Variants in EXTL3 observed in about 807,000 individuals in gnomAD.
EXTL3 encodes exostosin like glycosyltransferase 3.
Under a neutral mutation model 69.3 loss-of-function variants are expected in EXTL3, and 27 were observed. That is an observed-to-expected ratio of 0.39 (90% confidence interval 0.29 to 0.54). EXTL3 has a LOEUF of 0.54. Ranked by LOEUF, EXTL3 falls within the 20% of genes least tolerant of loss-of-function variation. The probability of loss-of-function intolerance (pLI) is 0.69; values close to 1 mark genes in which losing one functional copy is unlikely to be tolerated. For synonymous variants in EXTL3, 511 were observed against 499.4 expected (o/e 1.02, Z -0.31); for missense variants, 1,003 against 1,231.8 (o/e 0.81, Z 2.78).
intron 6 of EXTL3, among the ~76,000 whole-genome samples, chr8:28,745,759 T>A (rs1801875726): frequency 6.6e-6 from 1 of 152,202 alleles, no homozygotes; most frequent in Non-Finnish European, 1.5e-5. Context: ...TTTGTTAAAG[T>A]GTGTTTGTCT....
chr8:28,653,750 T>G (rs554837001), intron 1 of EXTL3, among the ~76,000 whole-genome samples: 1 of 152,368 alleles, frequency 6.6e-6, no homozygotes, highest in East Asian at 1.9e-4. Flanking sequence ...AGCACCACAC[T>G]TAGTGCTGTT....
intron 1 of EXTL3, among the ~76,000 whole-genome samples, chr8:28,706,634 A>T (rs1800928593): frequency 1.3e-5 from 2 of 152,180 alleles, no homozygotes; most frequent in Non-Finnish European, 2.9e-5. Flanking sequence ...CAATACTTTG[A>T]TGATTTATTA....
intron 4 of EXTL3, among the ~76,000 whole-genome samples, chr8:28,737,317 G>A (rs1010869134): frequency 3.3e-5 from 5 of 152,168 alleles, no homozygotes; most frequent in Non-Finnish European, 1.5e-5. Context: ...CAATGTGCAG[G>A]TGCTTATTAA....
In EXTL3 at chr8:28,679,072, A is replaced by G. The variant is rs180726557; in HGVS notation, c.-52-34385A>G. Among the ~76,000 whole-genome samples, 650 of 152,356 alleles carry G rather than the reference A, an allele frequency of 4.3e-3. 2 individuals carry two copies. Among genetic ancestry groups the G allele is most frequent in the Middle Eastern group, 0.014 (4 of 294 alleles). ...AGAAGGTTCTGTAAAGACACAGAAC[A>G]GTACATTGAGTAGATTAATGCCAGC... On this transcript the variant is annotated intron_variant, in intron 1 of 6. Transcript: ENST00000523149.
rs750370223 is a variant in EXTL3 at position 28,735,647 on chromosome 8, C to A, written c.2277-1872C>A. Among the ~76,000 whole-genome samples, 78 of 152,150 alleles carry A rather than the reference C, an allele frequency of 5.1e-4. 1 individual carries two copies. The highest frequency in any genetic ancestry group is 7.8e-4 in the Non-Finnish European group (53 of 68,020). Reference sequence around the variant, plus strand: ...GATCTAAAACCTTTCTCTTATTAATCTCCCCAATTTGCTTATTTCACCTTA... The same window carrying A: ...GATCTAAAACCTTTCTCTTATTAATATCCCCAATTTGCTTATTTCACCTTA... On this transcript the variant is annotated intron_variant, in intron 4 of 6. Coordinates refer to ENST00000220562, the MANE Select transcript of EXTL3 (RefSeq NM_001440.4).
intron 1 of EXTL3, among the ~76,000 whole-genome samples, chr8:28,687,078 A>AG (rs1330947482): frequency 6.6e-6 from 1 of 152,196 alleles, no homozygotes; most frequent in Non-Finnish European, 1.5e-5. Context: ...ATGCTGGGTG[A>AG]GGGAGATATA....
chr8:28,718,350 CT>C, intron 3 of EXTL3, 143 bp downstream of exon 3: 1 of 868,188 alleles, frequency 1.2e-6, no homozygotes, highest in Admixed American at 2.0e-5. Context: ...GTATAGATTC[CT>C]TTCTTCCTGA....
intron 1 of EXTL3, among the ~76,000 whole-genome samples, chr8:28,692,149 T>C (rs995237343): frequency 6.6e-6 from 1 of 152,258 alleles, no homozygotes; most frequent in African/African-American, 2.4e-5. Flanking sequence ...ACCTAGATGA[T>C]GTAATTATAC....
At chr8:28,658,940 T>G (rs1221063167) in intron 1 of EXTL3, among the ~76,000 whole-genome samples, 1 of 152,254 alleles carries the variant, frequency 6.6e-6, no homozygotes, top group Non-Finnish European at 1.5e-5. Context: ...CACAATGTAT[T>G]TCATCAGTCT....
At chr8:28,680,184 G>T (rs1432616855) in intron 1 of EXTL3, among the ~76,000 whole-genome samples, 1 of 151,856 alleles carries the variant, frequency 6.6e-6, no homozygotes, top group African/African-American at 2.4e-5. Context: ...CTGAGGTCAG[G>T]AGTTCAAGAC....
intron 3 of EXTL3, 74 bp from the exon 4 acceptor site, chr8:28,731,149 G>C (rs1801529654): frequency 6.3e-7 from 1 of 1,592,162 alleles, no homozygotes; most frequent in Non-Finnish European, 8.6e-7. Context: ...GGTCTCCTTG[G>C]ACCTAAATAC....
chr8:28,714,174 G>A lies in EXTL3; in HGVS notation c.-476+624G>A, dbSNP rs866572156. Among the ~76,000 whole-genome samples, 7 of 152,062 alleles carry A rather than the reference G, an allele frequency of 4.6e-5. No individual in the cohort carries two copies. In the East Asian group the frequency reaches 7.7e-4, roughly 17 times the overall value. The stretch of plus-strand genomic sequence containing the variant: ...GCTCGCCTCGGCCTCTCAAAGTGCT[G>A]GGATTACAGGTGTGAGCCACCATGC... On this transcript the variant is annotated intron_variant, in intron 2 of 6. Coordinates refer to ENST00000220562, the MANE Select transcript of EXTL3 (RefSeq NM_001440.4).
chr8:28,737,544 A>G lies in EXTL3; in HGVS notation c.2302A>G (p.Ile768Val), dbSNP rs1801677762. 1.2e-6 allele frequency: 2 copies of G among 1,614,030 alleles called. No homozygotes were observed. The highest frequency in any genetic ancestry group is 2.2e-5 in the East Asian group (1 of 44,892). The change falls in exon 5 of 7, where the codon ATC becomes GTC. Residue 768 changes from isoleucine to valine, a missense_variant. Ile to Val is a conservative substitution (Grantham distance 29, BLOSUM62 3). Coordinates refer to ENST00000220562, the MANE Select transcript of EXTL3 (RefSeq NM_001440.4). ...FRVWREARDR[I>V]VGFPGRYHAW... ...GGTGTGGAGAGAAGCTCGGGACCGC[A>G]TCGTGGGCTTCCCTGGCCGTTACCA... is the stretch of plus-strand genomic sequence containing the variant.
At chr8:28,715,321 C>T (rs1330270496) in intron 2 of EXTL3, among the ~76,000 whole-genome samples, 3 of 152,158 alleles carry the variant, frequency 2.0e-5, no homozygotes, top group South Asian at 2.1e-4. Context: ...GCTATAATGC[C>T]GCTCTAGATC....
At chr8:28,673,434 G>A (rs922352885) in intron 1 of EXTL3, among the ~76,000 whole-genome samples, 3 of 152,192 alleles carry the variant, frequency 2.0e-5, no homozygotes, top group African/African-American at 4.8e-5. Flanking sequence ...AAAGGCAGAG[G>A]AAGAAGGAGT....
At chr8:28,656,959 G>T (rs1317953992) in intron 1 of EXTL3, among the ~76,000 whole-genome samples, 1 of 150,722 alleles carries the variant, frequency 6.6e-6, no homozygotes, top group Non-Finnish European at 1.5e-5. Flanking sequence ...TTGAGACAGG[G>T]TCTCACTCTG....
At chr8:28,730,252 T>C (rs1801510015) in intron 3 of EXTL3, 3 of 152,200 alleles carry the variant, frequency 2.0e-5, no homozygotes, top group African/African-American at 7.2e-5. Flanking sequence ...TAAAATAGTC[T>C]GTTGGAAGTA....
rs1283916025 is a variant in EXTL3 at position 28,755,313 on chromosome 8, CCACA to C, written c.*4449_*4452del. ...TGTGTGCTGGCCACTGCTCTGCCTC[CCACA>C]CCGGACTGCAGCCTCTCAAGAACAC... is the stretch of plus-strand genomic sequence containing the variant. On this transcript the variant is annotated 3_prime_UTR_variant, in exon 7 of 7. Transcript: ENST00000220562. 2.0e-5 allele frequency: 3 copies of C among 152,542 alleles called. No homozygotes were observed. Among genetic ancestry groups the C allele is most frequent in the Non-Finnish European group, 4.4e-5 (3 of 68,094 alleles). The allele number at this position is 152,542 out of a possible 1,614,324, so 9.4% of individuals were successfully genotyped here.
intron 1 of EXTL3, among the ~76,000 whole-genome samples, chr8:28,661,424 G>T (rs977143589): frequency 2.0e-5 from 3 of 151,370 alleles, no homozygotes; most frequent in Admixed American, 6.6e-5. Flanking sequence ...ATGCATATAT[G>T]CATATGAATA....
Sources: allele counts gnomAD v4.1 joint callset (sites outside exome capture counted in the v4.1 genomes callset), GRCh38; gene constraint gnomAD v4.1.1; transcripts MANE v1.5; gene names NCBI Gene and HGNC (gene_info 2026-07-23, HGNC 2026-07-21).